LRRK1: variants seen among roughly 807,000 people sequenced by gnomAD.
LRRK1 encodes the protein leucine-rich repeat serine/threonine-protein kinase 1.
In LRRK1, 113 loss-of-function variants were observed where a neutral mutation model predicts 209.1. The observed-to-expected ratio is 0.54, with a 90% CI of 0.46 to 0.63. The LOEUF (loss-of-function observed/expected upper bound fraction) is 0.63, where lower values mean the gene tolerates loss of function less well. Among genes scored for constraint, LRRK1 ranks in the 30% least tolerant of loss-of-function variants. LRRK1 has a pLI of 0.00. For missense variants in LRRK1, 2,284 were observed against 2,632.2 expected, an observed-to-expected ratio of 0.87 and a Z score of 2.89; for synonymous variants, 1,144 against 1,099.7, an observed-to-expected ratio of 1.04 and a Z score of -0.80.
intron 2 of LRRK1, among the ~76,000 whole-genome samples, chr15:100,965,959 A>G (rs1156505591): frequency 2.0e-5 from 3 of 152,184 alleles, no homozygotes; most frequent in Admixed American, 6.5e-5. Flanking sequence ...TGGGACATTA[A>G]TGTGTTATTG....
intron 6 of LRRK1, among the ~76,000 whole-genome samples, chr15:101,007,443 C>T (rs1432737005): frequency 1.3e-5 from 2 of 152,198 alleles, no homozygotes; most frequent in Non-Finnish European, 2.9e-5. Context: ...TCCCTTTGAC[C>T]ACCCCATGCC....
chr15:100,995,263 G>GCCGA (rs373069756), intron 6 of LRRK1, among the ~76,000 whole-genome samples: 118 of 152,312 alleles, frequency 7.7e-4, no homozygotes, highest in African/African-American at 2.8e-3. Context: ...GGAAGCCACA[G>GCCGA]CCGACCCAGG....
At chr15:100,997,736 TA>T (rs1190032784) in intron 6 of LRRK1, among the ~76,000 whole-genome samples, 1 of 152,226 alleles carries the variant, frequency 6.6e-6, no homozygotes, top group African/African-American at 2.4e-5. Context: ...GCAAAAGCTA[TA>T]AACCTCTTTT....
At chr15:100,995,959 AC>A (rs2032387627) in intron 6 of LRRK1, among the ~76,000 whole-genome samples, 1 of 152,162 alleles carries the variant, frequency 6.6e-6, no homozygotes, top group Non-Finnish European at 1.5e-5. Flanking sequence ...CTGGTGCCCC[AC>A]CCTTCATGTC....
intron 6 of LRRK1, among the ~76,000 whole-genome samples, chr15:101,006,169 T>A (rs2032940849): frequency 6.6e-6 from 1 of 152,162 alleles, no homozygotes; most frequent in Admixed American, 6.5e-5. Flanking sequence ...TAATATCAGG[T>A]GCCCCGGGTG....
chr15:101,011,651 ATCACTGGCATTATCAT>A (rs1334168337), intron 9 of LRRK1, among the ~76,000 whole-genome samples: 4 of 152,122 alleles, frequency 2.6e-5, no homozygotes, highest in African/African-American at 9.7e-5. Context: ...GAAACTCTTC[ATCACTGGCATTATCAT>A]TCCTAGTTTG....
intron 31 of LRRK1, chr15:101,064,949 C>A (rs1052315702): frequency 7.1e-5 from 17 of 239,168 alleles, no homozygotes; most frequent in Admixed American, 2.6e-4. Context: ...TTAAGCAGCA[C>A]CGAGAAAAGG....
At chr15:101,053,932 T>C (rs369445963) in intron 26 of LRRK1, among the ~76,000 whole-genome samples, 1 of 152,216 alleles carries the variant, frequency 6.6e-6, no homozygotes, top group African/African-American at 2.4e-5. Context: ...AGAAATGCTA[T>C]GAAAATCAAT....
intron 33 of LRRK1, 47 bp from the exon 34 acceptor site, chr15:101,068,624 C>A: frequency 6.6e-7 from 1 of 1,524,834 alleles, no homozygotes; most frequent in East Asian, 2.3e-5. Context: ...CAACCCCACC[C>A]GAGTGGGAAC....
At chr15:101,009,089 C>A (rs1287352838) in intron 7 of LRRK1, 26 bp downstream of exon 7, 2 of 1,528,196 alleles carry the variant, frequency 1.3e-6, no homozygotes, top group Non-Finnish European at 9.1e-7. Context: ...GTGACCGGAG[C>A]CGTGTGTGAC....
intron 21 of LRRK1, among the ~76,000 whole-genome samples, chr15:101,047,730 G>A (rs146651514): frequency 2.0e-5 from 3 of 152,180 alleles, no homozygotes; most frequent in East Asian, 1.9e-4. Context: ...GGTAGTCAGC[G>A]CACAGGACAG....
At chr15:100,970,042 C>T (rs538876787) in intron 2 of LRRK1, among the ~76,000 whole-genome samples, 1 of 152,268 alleles carries the variant, frequency 6.6e-6, no homozygotes, top group South Asian at 2.1e-4. Context: ...GTGCCCACCA[C>T]CACGCTGGGC....
intron 13 of LRRK1, 59 bp downstream of exon 13, chr15:101,021,241 C>T: frequency 1.9e-6 from 3 of 1,578,912 alleles, no homozygotes; most frequent in Non-Finnish European, 2.6e-6. Context: ...GCAGAACGCC[C>T]ATCCCTAAAC....
intron 2 of LRRK1, among the ~76,000 whole-genome samples, chr15:100,948,636 C>T (rs1457153119): frequency 6.6e-6 from 1 of 151,968 alleles, no homozygotes; most frequent in Non-Finnish European, 1.5e-5. Context: ...ATAAAACAAG[C>T]CTCCATAAAT....
chr15:101,043,639 C>T (rs1331105751), intron 20 of LRRK1: 1 of 151,464 alleles, frequency 6.6e-6, no homozygotes, highest in Non-Finnish European at 1.5e-5. Context: ...TTGGCCTGAA[C>T]AAGACCATCA....
intron 4 of LRRK1, among the ~76,000 whole-genome samples, chr15:100,985,718 C>T (rs533039131): frequency 2.6e-5 from 4 of 152,212 alleles, no homozygotes; most frequent in Admixed American, 6.5e-5. Context: ...CCAGGAGCAT[C>T]GTATCTTCAG....
intron 16 of LRRK1, 143 bp from the exon 17 acceptor site, chr15:101,025,822 C>G (rs2034000790): frequency 1.4e-5 from 11 of 813,598 alleles, no homozygotes; most frequent in Non-Finnish European, 2.1e-5. Flanking sequence ...AGGCAAACAT[C>G]CAAACCGTCT....
chr15:101,006,779 G>A (rs369794411), intron 6 of LRRK1, among the ~76,000 whole-genome samples: 2 of 152,246 alleles, frequency 1.3e-5, no homozygotes, highest in African/African-American at 2.4e-5. Context: ...ATGTGACAGC[G>A]TTTTAACAAT....
intron 2 of LRRK1, among the ~76,000 whole-genome samples, chr15:100,954,516 T>C (rs1387979642): frequency 6.6e-6 from 1 of 152,226 alleles, no homozygotes; most frequent in Non-Finnish European, 1.5e-5. Context: ...CCCATTTGTT[T>C]ATTTGTGCTT....
Sources: gnomAD v4.1 joint callset for allele counts (sites outside exome capture counted in the v4.1 genomes callset) on GRCh38, gnomAD v4.1.1 for gene constraint, MANE v1.5 for transcripts, NCBI Gene and HGNC (gene_info 2026-07-23, HGNC 2026-07-21) for gene names.